CRYBG3: variants seen among roughly 807,000 people sequenced by gnomAD.
The protein encoded by CRYBG3 is crystallin beta-gamma domain containing 3.
Under a neutral mutation model 244.2 loss-of-function variants are expected in CRYBG3, and 127 were observed. That is an observed-to-expected ratio of 0.52 (90% CI 0.45 to 0.60). The LOEUF (loss-of-function observed/expected upper bound fraction) is 0.60. CRYBG3 is among the 20% of genes least tolerant of loss of function. CRYBG3 has a pLI of 0.00. For synonymous variants in CRYBG3, 1,132 were observed against 1,195.8 expected (o/e 0.95, Z 1.10); for missense variants, 3,325 against 3,442.5 (o/e 0.97, Z 0.85).
At chr3:97,915,409 C>T (rs831877) in intron 16 of CRYBG3, among the ~76,000 whole-genome samples, 109,953 of 152,016 alleles carry the variant, frequency 0.72, 41,393 homozygotes, top group East Asian at 0.85. Context: ...GTAAAGTGCC[C>T]AGCCTAATGC....
intron 17 of CRYBG3, among the ~76,000 whole-genome samples, chr3:97,926,093 C>A (rs1321732837): frequency 6.6e-6 from 1 of 151,944 alleles, no homozygotes; most frequent in African/African-American, 2.4e-5. Flanking sequence ...ATTCTAATAC[C>A]AAAACCTGAC....
chr3:97,910,219 C>A (rs1480464927), intron 15 of CRYBG3, among the ~76,000 whole-genome samples: 1 of 151,914 alleles, frequency 6.6e-6, no homozygotes, highest in Non-Finnish European at 1.5e-5. Context: ...GTGCCCTGCC[C>A]CCAGAGGTGG....
intron 2 of CRYBG3, among the ~76,000 whole-genome samples, chr3:97,862,265 G>A (rs1183990714): frequency 6.6e-6 from 1 of 152,150 alleles, no homozygotes; most frequent in Non-Finnish European, 1.5e-5. Flanking sequence ...ACTGTTTTGA[G>A]ATTTTAATGA....
Position 97,944,187 on chromosome 3 carries a change from C to CATCTCTTTA in CRYBG3, c.*875_*883dup, listed in dbSNP as rs1340184932. The stretch of plus-strand genomic sequence containing the variant: ...AGTAGCATTTGAACCTTGACCTTAC[C>CATCTCTTTA]ATCTCTTTAAGTAAACGTGGAGTTG... On this transcript the variant is annotated 3_prime_UTR_variant, in exon 22 of 22. Coordinates refer to ENST00000389622, the MANE Select transcript of CRYBG3 (RefSeq NM_153605.4). The CATCTCTTTA allele has an allele frequency of 6.6e-6, 1 of 151,484 alleles. No individual in the cohort carries two copies. The highest frequency in any genetic ancestry group is 1.5e-5 in the Non-Finnish European group (1 of 67,818). The allele number at this position is 151,484 out of a possible 1,614,324, so 9.4% of individuals were successfully genotyped here. A position where few individuals can be genotyped will look rare whatever the true frequency, so the allele number is the denominator to read the frequency against.
chr3:97,929,894 GC>G, intron 17 of CRYBG3, among the ~76,000 whole-genome samples: 1 of 151,918 alleles, frequency 6.6e-6, no homozygotes, highest in Middle Eastern at 3.4e-3. Flanking sequence ...CCTCCATCAA[GC>G]TTTTTATCTT....
rs567382650 is a variant in CRYBG3 at position 97,855,789 on chromosome 3, G to A, written c.217-8428G>A. On this transcript the variant is annotated intron_variant, in intron 2 of 21. Coordinates refer to ENST00000389622, the MANE Select transcript of CRYBG3 (RefSeq NM_153605.4). ...TTTTGTTAGGGTTTTCAAAAGGGGAGGGAGTGTGCAAATAGGTGTGGGTCA... is the reference window on the plus strand; with the variant it reads ...TTTTGTTAGGGTTTTCAAAAGGGGAAGGAGTGTGCAAATAGGTGTGGGTCA... Among the ~76,000 whole-genome samples the A allele has an allele frequency of 2.6e-5, 4 of 152,236 alleles. No homozygotes were observed. In the South Asian group the frequency reaches 8.3e-4, roughly 32 times the overall value.
intron 2 of CRYBG3, among the ~76,000 whole-genome samples, chr3:97,862,594 C>G (rs571377754): frequency 6.6e-6 from 1 of 152,214 alleles, no homozygotes; most frequent in African/African-American, 2.4e-5. Context: ...TTCAAAATGT[C>G]AATTAGCATA....
chr3:97,896,765 C>T (rs2039645067), intron 12 of CRYBG3, among the ~76,000 whole-genome samples: 3 of 152,198 alleles, frequency 2.0e-5, no homozygotes, highest in Non-Finnish European at 2.9e-5. Context: ...GTAGAGGCAA[C>T]GGTTGCTGCC....
At chr3:97,883,074 C>A (rs2108225710) in intron 7 of CRYBG3, among the ~76,000 whole-genome samples, 1 of 152,160 alleles carries the variant, frequency 6.6e-6, no homozygotes, top group Non-Finnish European at 1.5e-5. Flanking sequence ...AGGCGTGTCA[C>A]CTGGAGGAGG....
chr3:97,876,964 A>G lies in CRYBG3; in HGVS notation c.5770A>G (p.Arg1924Gly). Reference protein sequence around the residue: ...IKEGLIAHENRLPTYFRGYES... With the variant: ...IKEGLIAHENGLPTYFRGYES... The stretch of plus-strand genomic sequence containing the variant: ...GGAAGGCTTGATAGCACATGAAAAT[A>G]GACTTCCTACATATTTCAGGGGATA... The change falls in exon 4 of 22, where the codon AGA becomes GGA. Residue 1924 changes from arginine to glycine, a missense_variant. Physicochemically the swap from Arg to Gly is moderately radical, Grantham distance 125. Coordinates refer to ENST00000389622, the MANE Select transcript of CRYBG3 (RefSeq NM_153605.4). 1 of 1,507,852 alleles carries G rather than the reference A, an allele frequency of 6.6e-7. No homozygotes were observed. Among genetic ancestry groups the G allele is most frequent in the South Asian group, 1.4e-5 (1 of 70,910 alleles). The allele number at this position is 1,507,852 out of a possible 1,614,324, so 93.4% of individuals were successfully genotyped here.
chr3:97,924,341 A>AATCT, intron 17 of CRYBG3: 1 of 426,078 alleles, frequency 2.3e-6, no homozygotes, highest in East Asian at 7.5e-5. Flanking sequence ...AAAATATAGG[A>AATCT]ATCTACCCTG....
Position 97,872,545 on chromosome 3 carries a change from G to A in CRYBG3, c.1351G>A (p.Glu451Lys), listed in dbSNP as rs544006330. 4 of 1,535,962 alleles carry A rather than the reference G, an allele frequency of 2.6e-6. No individual in the cohort carries two copies. Among genetic ancestry groups the A allele is most frequent in the South Asian group, 2.4e-5 (2 of 84,054 alleles). ...TGATGGGAGTGACACTACTGAGCAG[G>A]AAAGTACAAATTTGCCAAGTCCAAA... Reference protein sequence around the residue: ...KSDGSDTTEQESTNLPSPNKS... With the variant: ...KSDGSDTTEQKSTNLPSPNKS... Residue 451 changes from glutamate (E) to lysine (K), a missense_variant, in exon 4 of 22, where the codon GAA becomes AAA. Around this residue, in one of 4 missense-constraint regions of CRYBG3, gnomAD observed 1,526 missense variants for 1,443.2 expected, o/e 1.06. Transcript: ENST00000389622.
intron 18 of CRYBG3, 64 bp from the exon 19 acceptor site, chr3:97,936,721 A>C: frequency 6.4e-7 from 1 of 1,552,360 alleles, no homozygotes; most frequent in Non-Finnish European, 8.8e-7. Context: ...AAGTGCAGAT[A>C]CTTTTGATGA....
At chr3:97,942,230 A>AACTT in intron 20 of CRYBG3, 54 bp from the exon 21 acceptor site, 1 of 1,522,362 alleles carries the variant, frequency 6.6e-7, no homozygotes, top group Non-Finnish European at 8.9e-7. Context: ...GACCTAATTC[A>AACTT]ACTTACTTTA....
rs1288126811 is a variant in CRYBG3 at position 97,875,166 on chromosome 3, T to G, written c.3972T>G (p.Thr1324=). 2 of 1,535,290 alleles carry G rather than the reference T, an allele frequency of 1.3e-6. No individual in the cohort carries two copies. Among genetic ancestry groups the G allele is most frequent in the Admixed American group, 2.0e-5 (1 of 50,954 alleles). ...YVAQEKLRND[T]FEDTEDTWDS... ...CCCAAGAAAAATTGAGAAATGATAC[T>G]TTTGAAGATACTGAGGATACTTGGG... The change falls in exon 4 of 22, where the codon ACT becomes ACG. Residue 1324 remains threonine (T), a synonymous_variant. Coordinates refer to ENST00000389622, the MANE Select transcript of CRYBG3 (RefSeq NM_153605.4).
At chr3:97,852,822 C>T in intron 2 of CRYBG3, among the ~76,000 whole-genome samples, 1 of 152,160 alleles carries the variant, frequency 6.6e-6, no homozygotes, top group East Asian at 1.9e-4. Flanking sequence ...CTTTTCTCTA[C>T]ATACTCACCA....
intron 2 of CRYBG3, among the ~76,000 whole-genome samples, chr3:97,862,195 C>T (rs1462536176): frequency 6.6e-6 from 1 of 151,842 alleles, no homozygotes; most frequent in Non-Finnish European, 1.5e-5. Context: ...ACCTGTTATG[C>T]TTTGAAAAGA....
chr3:97,841,026 G>A (rs909108267), intron 1 of CRYBG3, among the ~76,000 whole-genome samples: 4 of 151,662 alleles, frequency 2.6e-5, no homozygotes, highest in African/African-American at 9.7e-5. Flanking sequence ...AAAGAGATAA[G>A]AATTTATTCA....
chr3:97,826,614 T>C (rs1212070333), intron 1 of CRYBG3, among the ~76,000 whole-genome samples: 1 of 152,024 alleles, frequency 6.6e-6, no homozygotes. Flanking sequence ...TTAAGGAAAA[T>C]AATCTAGGCT....
Sources: allele counts gnomAD v4.1 joint callset (sites outside exome capture counted in the v4.1 genomes callset), GRCh38; gene constraint gnomAD v4.1.1; regional missense constraint gnomAD v4.1.1; transcripts MANE v1.5; gene names NCBI Gene and HGNC (gene_info 2026-07-23, HGNC 2026-07-21).